The following PHYHIPL variants were observed in gnomAD, a reference collection of about 807,000 sequenced individuals.
The protein encoded by PHYHIPL is phytanoyl-CoA 2-hydroxylase interacting protein like, also known as phytanoyl-CoA hydroxylase-interacting protein-like.
PHYHIPL carries 9 observed loss-of-function variants against 33.4 expected under a neutral mutation model. That is an observed-to-expected ratio of 0.27 (90% CI 0.16 to 0.47). The LOEUF (loss-of-function observed/expected upper bound fraction) is 0.47, where lower values mean the gene tolerates loss of function less well. Among genes scored for constraint, PHYHIPL ranks in the 20% least tolerant of loss-of-function variants. The probability of loss-of-function intolerance (pLI) is 0.99; values close to 1 mark genes in which losing one functional copy is unlikely to be tolerated. For missense variants in PHYHIPL, 365 were observed against 460.7 expected (o/e 0.79, Z 1.90); for synonymous variants, 153 against 154.1 (o/e 0.99, Z 0.05).
chr10:59,176,508 GCCAGCAGGTGGGCGCGTTCTC>G (rs1838253018), upstream of PHYHIPL: 1 of 164,632 alleles, frequency 6.1e-6, no homozygotes, highest in Admixed American at 6.4e-5. Context: ...ACCACCGCGC[GCCAGCAGGTGGGCGCGTTCTC>G]CCGCGCGCGT....
At chr10:59,227,625 A>C (rs1185709143) in intron 1 of PHYHIPL, among the ~76,000 whole-genome samples, 1 of 152,216 alleles carries the variant, frequency 6.6e-6, no homozygotes, top group African/African-American at 2.4e-5. Flanking sequence ...ACTCTCAAGT[A>C]CATATACCTC....
At position 59,245,484 on chromosome 10, in the gene PHYHIPL, G is replaced by C. The variant is rs2452505; in HGVS notation, c.1024G>C (p.Val342Leu). 1,328,736 of 1,613,906 alleles carry C rather than the reference G, an allele frequency of 0.82. 552,085 individuals carry two copies. Among genetic ancestry groups the C allele is most frequent in the Admixed American group, 0.86 (51,866 of 60,002 alleles). ...TTACACTGACCCTGTGGATCTTTCT[G>C]TGGGCACCGTGGCAGAAATCACTGG... Reference protein sequence around the residue: ...VIYTDPVDLSVGTVAEITGHQ... With the variant: ...VIYTDPVDLSLGTVAEITGHQ... Residue 342 changes from valine (V) to leucine (L), a missense_variant, in exon 5 of 5, where the codon GTG becomes CTG. Val to Leu is a conservative substitution (Grantham distance 32). Around this residue, in one of 4 missense-constraint regions of PHYHIPL, gnomAD observed 196 missense variants for 224.9 expected, o/e 0.87. Coordinates refer to ENST00000373880, the MANE Select transcript of PHYHIPL (RefSeq NM_032439.4).
intron 1 of PHYHIPL, among the ~76,000 whole-genome samples, chr10:59,233,369 T>C (rs1014463195): frequency 6.6e-6 from 1 of 151,884 alleles, no homozygotes; most frequent in South Asian, 2.1e-4. Flanking sequence ...CATTTTATTA[T>C]GTTAAGGAAC....
intron 1 of PHYHIPL, among the ~76,000 whole-genome samples, chr10:59,213,249 T>C (rs1839516687): frequency 6.6e-6 from 1 of 152,084 alleles, no homozygotes; most frequent in Non-Finnish European, 1.5e-5. Flanking sequence ...GAAATCCAAT[T>C]ATGTCATTCA....
intron 1 of PHYHIPL, among the ~76,000 whole-genome samples, chr10:59,227,163 A>G (rs2133270761): frequency 6.6e-6 from 1 of 152,262 alleles, no homozygotes; most frequent in South Asian, 2.1e-4. Context: ...CTGAATACCC[A>G]AGACTGGGTA....
In PHYHIPL at chr10:59,245,748, C is replaced by A. The variant is rs751143064; in HGVS notation, c.*157C>A. 3 of 769,748 alleles carry A rather than the reference C, an allele frequency of 3.9e-6. No individual in the cohort carries two copies. Among genetic ancestry groups the A allele is most frequent in the South Asian group, 2.0e-5 (1 of 48,892 alleles). The allele number at this position is 769,748 out of a possible 1,614,324, so 47.7% of individuals were successfully genotyped here. On this transcript the variant is annotated 3_prime_UTR_variant, in exon 5 of 5. Transcript: ENST00000373880. ...CCACTTTCCAAATTTCATTCAGAAC[C>A]ATTTTAGTGTTTTCCTATTCCCTAC...
upstream of PHYHIPL, among the ~76,000 whole-genome samples, chr10:59,176,405 G>A (rs1430591448): frequency 6.6e-6 from 1 of 152,040 alleles, no homozygotes; most frequent in Non-Finnish European, 1.5e-5. Context: ...CCCTTCCCGC[G>A]CGCTCGGTCG....
chr10:59,246,615 A>G lies in PHYHIPL; in HGVS notation c.*1024A>G. On this transcript the variant is annotated 3_prime_UTR_variant, in exon 5 of 5. Transcript: ENST00000373880. ...CACAAAATGATATACACTGAAGTTG[A>G]TGAAGCAAATAAATATTCTGGCTTC... 2.5e-6 allele frequency: 1 copy of G among 397,774 alleles called. No homozygotes were observed. The highest frequency in any genetic ancestry group is 3.6e-5 in the East Asian group (1 of 27,852). The allele number at this position is 397,774 out of a possible 1,614,324, so 24.6% of individuals were successfully genotyped here. A position where few individuals can be genotyped will look rare whatever the true frequency, so the allele number is the denominator to read the frequency against.
chr10:59,209,668 A>G (rs1163336578), intron 1 of PHYHIPL, among the ~76,000 whole-genome samples: 1 of 152,216 alleles, frequency 6.6e-6, no homozygotes, highest in Admixed American at 6.5e-5. Context: ...ACTTCAAACT[A>G]TACTACAAGG....
chr10:59,240,029 T>A (rs963449323), intron 4 of PHYHIPL, among the ~76,000 whole-genome samples: 12 of 152,120 alleles, frequency 7.9e-5, no homozygotes, highest in African/African-American at 2.7e-4. Flanking sequence ...CACGTAGGCA[T>A]CTGTGTTCTT....
At chr10:59,231,645 T>C (rs1408507153) in intron 1 of PHYHIPL, among the ~76,000 whole-genome samples, 2 of 152,136 alleles carry the variant, frequency 1.3e-5, no homozygotes, top group African/African-American at 4.8e-5. Flanking sequence ...TTTAACACAG[T>C]ACTTTCAGTC....
At chr10:59,229,613 G>A (rs1840020795) in intron 1 of PHYHIPL, among the ~76,000 whole-genome samples, 1 of 152,060 alleles carries the variant, frequency 6.6e-6, no homozygotes. Context: ...GCAGCCTCCA[G>A]AATCACAGCA....
At chr10:59,221,594 T>C in intron 1 of PHYHIPL, 2 of 706,066 alleles carry the variant, frequency 2.8e-6, no homozygotes, top group Non-Finnish European at 3.5e-6. Flanking sequence ...AGTTTTTAAA[T>C]AGGAGTGTGA....
At chr10:59,188,415 T>C (rs1302721814) in intron 1 of PHYHIPL, among the ~76,000 whole-genome samples, 2 of 152,152 alleles carry the variant, frequency 1.3e-5, no homozygotes, top group Admixed American at 1.3e-4. Context: ...ATAGGTGCGG[T>C]GTGGTGCTGA....
chr10:59,246,821 A>G lies in PHYHIPL; in HGVS notation c.*1230A>G. 2.6e-6 allele frequency: 1 copy of G among 388,382 alleles called. No individual in the cohort carries two copies. Among genetic ancestry groups the G allele is most frequent in the Non-Finnish European group, 4.6e-6 (1 of 219,634 alleles). 24.1% of individuals were successfully genotyped at this position (388,382 alleles called of 1,614,324 possible). On this transcript the variant is annotated 3_prime_UTR_variant, in exon 5 of 5. Transcript: ENST00000373880. Reference sequence around the variant, plus strand: ...TCTTATAGTAAACCAAAAGATTAGCAATAATACTATGGACACATTAGATTA... The same window carrying G: ...TCTTATAGTAAACCAAAAGATTAGCGATAATACTATGGACACATTAGATTA...
At chr10:59,203,062 T>C (rs1009194499) in intron 1 of PHYHIPL, among the ~76,000 whole-genome samples, 2 of 151,964 alleles carry the variant, frequency 1.3e-5, no homozygotes, top group African/African-American at 4.8e-5. Context: ...ACTAAACAAA[T>C]TTACAAGAAA....
intron 1 of PHYHIPL, among the ~76,000 whole-genome samples, chr10:59,207,687 C>T (rs983629382): frequency 6.6e-6 from 1 of 152,076 alleles, no homozygotes; most frequent in Admixed American, 6.5e-5. Flanking sequence ...GTCAGCAGAT[C>T]GAGACCATCC....
At chr10:59,183,774 C>T (rs750857141) in intron 1 of PHYHIPL, 24 of 592,710 alleles carry the variant, frequency 4.0e-5, no homozygotes, top group Non-Finnish European at 4.7e-5. Flanking sequence ...AAAGGGGCTG[C>T]TCCGTGGGGA....
chr10:59,203,752 C>T (rs971447573), intron 1 of PHYHIPL, among the ~76,000 whole-genome samples: 15 of 131,054 alleles, frequency 1.1e-4, no homozygotes, highest in Admixed American at 3.9e-4. Flanking sequence ...GAACATCACA[C>T]ACCAGGGCCT....
Sources: gnomAD v4.1 joint callset for allele counts (sites outside exome capture counted in the v4.1 genomes callset) on GRCh38, gnomAD v4.1.1 for gene constraint, gnomAD v4.1.1 regional missense constraint, MANE v1.5 for transcripts, NCBI Gene and HGNC (gene_info 2026-07-23, HGNC 2026-07-21) for gene names.